LRRC4C: variants seen among roughly 807,000 people sequenced by gnomAD.
LRRC4C encodes the protein leucine-rich repeat-containing protein 4C.
In LRRC4C, 5 loss-of-function variants were observed where a neutral mutation model predicts 33.6. That is an observed-to-expected ratio of 0.15 (90% confidence interval 0.08 to 0.31). The LOEUF (loss-of-function observed/expected upper bound fraction) is 0.31, where lower values mean the gene tolerates loss of function less well. Ranked by LOEUF, LRRC4C falls within the 10% of genes least tolerant of loss-of-function variation. The pLI is 1.00. For synonymous variants in LRRC4C, 329 were observed against 302.0 expected, an observed-to-expected ratio of 1.09 and a Z score of -0.93; for missense variants, 560 against 796.7, an observed-to-expected ratio of 0.70 and a Z score of 3.58.
intron 2 of LRRC4C, among the ~76,000 whole-genome samples, chr11:40,699,151 T>C (rs1945736411): frequency 6.6e-6 from 1 of 152,208 alleles, no homozygotes; most frequent in Non-Finnish European, 1.5e-5. Context: ...ATTACAATCA[T>C]CTAAATTTTG....
chr11:40,802,117 A>G (rs1051585110), intron 2 of LRRC4C, among the ~76,000 whole-genome samples: 4 of 152,240 alleles, frequency 2.6e-5, no homozygotes, highest in Non-Finnish European at 4.4e-5. Context: ...TTCCCTAGTG[A>G]GAATTCCAGC....
In LRRC4C at chr11:41,323,618, G is replaced by A. The variant is rs78058249; in HGVS notation, c.-496+135813C>T. On this transcript the variant is annotated intron_variant, in intron 1 of 6. Transcript: ENST00000528697. Reference sequence around the variant, plus strand: ...CGAATGTTACTCAGCCCTTCCCTACGCAGTCTGTTAGCAATATACCTAACT... The same window carrying A: ...CGAATGTTACTCAGCCCTTCCCTACACAGTCTGTTAGCAATATACCTAACT... Among the ~76,000 whole-genome samples, 1,217 of 152,170 alleles carry A rather than the reference G, an allele frequency of 8.0e-3. 24 individuals carry two copies. The highest frequency in any genetic ancestry group is 0.028 in the African/African-American group (1,146 of 41,504).
chr11:40,189,618 A>G (rs1220117975), intron 5 of LRRC4C, among the ~76,000 whole-genome samples: 1 of 152,192 alleles, frequency 6.6e-6, no homozygotes, highest in Non-Finnish European at 1.5e-5. Flanking sequence ...TTAAATAACA[A>G]CCAGAAGAGA....
chr11:41,007,844 TA>T (rs1854877735), intron 1 of LRRC4C, among the ~76,000 whole-genome samples: 1 of 152,128 alleles, frequency 6.6e-6, no homozygotes, highest in Non-Finnish European at 1.5e-5. Flanking sequence ...TTAATACAGC[TA>T]TTACAGAATG....
At chr11:40,880,364 A>C (rs111908265) in intron 2 of LRRC4C, among the ~76,000 whole-genome samples, 3,782 of 152,198 alleles carry the variant, frequency 0.025, 173 homozygotes, top group African/African-American at 0.087. Flanking sequence ...AGGTGATTCA[A>C]TAGCTAACTG....
At chr11:40,596,677 T>A (rs1379730278) in intron 3 of LRRC4C, among the ~76,000 whole-genome samples, 3 of 152,084 alleles carry the variant, frequency 2.0e-5, no homozygotes, top group Non-Finnish European at 4.4e-5. Context: ...TTAAAAAAAA[T>A]TTAAGTTCCT....
At chr11:41,458,982 TCTA>T in intron 1 of LRRC4C, among the ~76,000 whole-genome samples, 1 of 152,136 alleles carries the variant, frequency 6.6e-6, no homozygotes, top group South Asian at 2.1e-4. Flanking sequence ...GAGGGGGAAG[TCTA>T]CTATTAAGTT....
At chr11:40,448,288 CAT>C (rs1257532408) in intron 3 of LRRC4C, among the ~76,000 whole-genome samples, 1 of 152,240 alleles carries the variant, frequency 6.6e-6, no homozygotes, top group African/African-American at 2.4e-5. Context: ...TTCTGGGACA[CAT>C]GTGCAGAACG....
At chr11:40,918,702 G>C (rs1957057333) in intron 2 of LRRC4C, among the ~76,000 whole-genome samples, 1 of 152,084 alleles carries the variant, frequency 6.6e-6, no homozygotes. Context: ...CTTAAAAACT[G>C]AGTTCAGAGT....
intron 2 of LRRC4C, among the ~76,000 whole-genome samples, chr11:40,911,322 C>A (rs1410328348): frequency 6.6e-6 from 1 of 152,166 alleles, no homozygotes; most frequent in Non-Finnish European, 1.5e-5. Context: ...ACACCTCACA[C>A]AGCCGAGTAC....
chr11:41,203,941 C>T (rs1244168095), intron 1 of LRRC4C, among the ~76,000 whole-genome samples: 1 of 152,134 alleles, frequency 6.6e-6, no homozygotes, highest in East Asian at 1.9e-4. Flanking sequence ...GGTATTTCAC[C>T]AGACACATCT....
chr11:41,011,822 A>ATATATTATATTATATTATATTATAT (rs55785708), intron 1 of LRRC4C, among the ~76,000 whole-genome samples: 7,450 of 141,636 alleles, frequency 0.053, 225 homozygotes, highest in African/African-American at 0.066. Context: ...ATTCTATGTT[A>ATATATTATATTATATTATATTATAT]TATATTATAT....
At chr11:41,170,336 G>A (rs184734392) in intron 1 of LRRC4C, among the ~76,000 whole-genome samples, 14 of 152,158 alleles carry the variant, frequency 9.2e-5, no homozygotes, top group Admixed American at 7.2e-4. Flanking sequence ...GAGGCATCAC[G>A]CTACCTGACT....
chr11:40,205,520 T>G (rs1863080877), intron 5 of LRRC4C, among the ~76,000 whole-genome samples: 1 of 152,070 alleles, frequency 6.6e-6, no homozygotes, highest in African/African-American at 2.4e-5. Context: ...CCTTGAAAAC[T>G]CGATGATGTT....
At chr11:40,776,606 T>C (rs573782408) in intron 2 of LRRC4C, among the ~76,000 whole-genome samples, 2 of 152,202 alleles carry the variant, frequency 1.3e-5, no homozygotes, top group African/African-American at 4.8e-5. Context: ...TTGTGCTTAT[T>C]TGGATTTTTT....
intron 1 of LRRC4C, among the ~76,000 whole-genome samples, chr11:40,964,399 TA>T (rs1353839211): frequency 6.6e-6 from 1 of 151,932 alleles, no homozygotes; most frequent in Non-Finnish European, 1.5e-5. Flanking sequence ...CGTTAAGTTT[TA>T]GGCTACATGT....
At chr11:40,697,378 CA>C (rs1259482119) in intron 2 of LRRC4C, among the ~76,000 whole-genome samples, 3 of 151,628 alleles carry the variant, frequency 2.0e-5, no homozygotes, top group South Asian at 2.1e-4. Flanking sequence ...TTTAAGGATC[CA>C]AAAAAAATTA....
intron 1 of LRRC4C, among the ~76,000 whole-genome samples, chr11:41,030,607 A>G (rs967742152): frequency 2.6e-5 from 4 of 151,890 alleles, no homozygotes; most frequent in African/African-American, 9.7e-5. Flanking sequence ...GTAAGAAGAC[A>G]TAGACTGAGT....
intron 2 of LRRC4C, among the ~76,000 whole-genome samples, chr11:40,733,991 G>A (rs1306670451): frequency 6.6e-6 from 1 of 152,094 alleles, no homozygotes; most frequent in Non-Finnish European, 1.5e-5. Context: ...GTAAAAAGAT[G>A]CCCATGCTTT....
Sources: allele counts gnomAD v4.1 joint callset (sites outside exome capture counted in the v4.1 genomes callset), GRCh38; gene constraint gnomAD v4.1.1; transcripts MANE v1.5; gene names NCBI Gene and HGNC (gene_info 2026-07-23, HGNC 2026-07-21).